The following DYNC2I1 variants were observed in gnomAD, a reference collection of about 807,000 sequenced individuals.
DYNC2I1 encodes dynein 2 intermediate chain 1.
Under a neutral mutation model 133.4 loss-of-function variants are expected in DYNC2I1, and 89 were observed. The ratio of observed to expected loss-of-function variants is 0.67; its 90% CI spans 0.56 to 0.80. The LOEUF (loss-of-function observed/expected upper bound fraction) is 0.80. Among genes scored for constraint, DYNC2I1 ranks in the 30% least tolerant of loss-of-function variants. The pLI, the probability that DYNC2I1 is intolerant of heterozygous loss-of-function variation, is 0.00. For synonymous variants in DYNC2I1, 504 were observed against 484.3 expected, an observed-to-expected ratio of 1.04 and a Z score of -0.54; for missense variants, 1,291 against 1,314.5, an observed-to-expected ratio of 0.98 and a Z score of 0.28.
At position 158,902,474 on chromosome 7, in the gene DYNC2I1, A is replaced by G; in HGVS notation, c.1236A>G (p.Gln412=). The G allele has an allele frequency of 6.2e-7, 1 of 1,614,012 alleles. No individual in the cohort carries two copies. The highest frequency in any genetic ancestry group is 8.5e-7 in the Non-Finnish European group (1 of 1,179,878). The change falls in exon 10 of 25, where the codon CAA becomes CAG. Residue 412 remains glutamine (Q), a synonymous_variant. Transcript: ENST00000407559. ...REKLEELPLA[Q]KKEIQEIQRA... ...AACTGGAAGAACTTCCTCTAGCTCA[A>G]AAAAAGGAAATACAAGAAATTCAAA...
chr7:158,849,970 C>T, the DYNC2I1 span, among the ~76,000 whole-genome samples: 1 of 152,222 alleles, frequency 6.6e-6, no homozygotes, highest in Non-Finnish European at 1.5e-5. Context: ...TGGGGCCTTA[C>T]TGGGGGCCTG....
At chr7:158,904,320 G>C (rs975910680) in intron 10 of DYNC2I1, 13 of 152,304 alleles carry the variant, frequency 8.5e-5, no homozygotes, top group African/African-American at 3.1e-4. Flanking sequence ...TTTGTTTTCT[G>C]TGTCCTCCTT....
intron 17 of DYNC2I1, 30 bp from the exon 18 acceptor site, chr7:158,926,157 A>C: frequency 8.4e-6 from 13 of 1,543,842 alleles, no homozygotes; most frequent in Non-Finnish European, 1.2e-5. Context: ...TACTACTTAC[A>C]CGTGGATGCT....
At position 158,871,356 on chromosome 7, in the gene DYNC2I1, A is replaced by C; in HGVS notation, c.284A>C (p.Asp95Ala). ...DRDRQRERRR[D>A]AKDREKEKLK... is the part of the protein sequence containing the mutation. The stretch of plus-strand genomic sequence containing the variant: ...GACAGACAGAGGGAGAGGAGAAGAG[A>C]CGCAAAAGACCGGGAGAAAGAAAAG... The change falls in exon 3 of 25, where the codon GAC (aspartate) becomes GCC (alanine). Residue 95 changes from aspartate to alanine, a missense_variant. By Grantham distance (126) the Asp-to-Ala change is moderately radical. Transcript: ENST00000407559. The C allele has an allele frequency of 1.9e-6, 3 of 1,552,522 alleles. No individual in the cohort carries two copies. The highest frequency in any genetic ancestry group is 2.6e-6 in the Non-Finnish European group (3 of 1,147,422).
intron 5 of DYNC2I1, 129 bp downstream of exon 5, chr7:158,880,118 G>A (rs1208638468): frequency 2.9e-6 from 3 of 1,021,774 alleles, no homozygotes; most frequent in Non-Finnish European, 4.3e-6. Context: ...TAGGAAAAAC[G>A]CAACTCAAGT....
intron 21 of DYNC2I1, among the ~76,000 whole-genome samples, chr7:158,932,255 T>C: frequency 6.6e-6 from 1 of 152,024 alleles, no homozygotes; most frequent in East Asian, 1.9e-4. Context: ...TGCACAAGGC[T>C]TGTGGGAGCT....
At chr7:158,881,278 G>A (rs1404497107) in intron 5 of DYNC2I1, among the ~76,000 whole-genome samples, 1 of 152,124 alleles carries the variant, frequency 6.6e-6, no homozygotes. Context: ...GTTTGCATCA[G>A]GGCGTTGGCC....
intron 23 of DYNC2I1, among the ~76,000 whole-genome samples, chr7:158,938,895 T>A (rs1480502629): frequency 6.6e-6 from 1 of 152,204 alleles, no homozygotes; most frequent in African/African-American, 2.4e-5. Context: ...CCCAGAATAC[T>A]GTGTTACTGT....
At chr7:158,911,427 A>G (rs1847464598) in intron 11 of DYNC2I1, 123 bp from the exon 12 acceptor site, 1 of 1,080,568 alleles carries the variant, frequency 9.3e-7, no homozygotes, top group African/African-American at 1.6e-5. Context: ...GACTCACCCC[A>G]GCCTGAAGCT....
intron 3 of DYNC2I1, among the ~76,000 whole-genome samples, chr7:158,872,173 G>A (rs1842948217): frequency 6.6e-6 from 1 of 152,022 alleles, no homozygotes; most frequent in African/African-American, 2.4e-5. Context: ...AAAATTAGCT[G>A]TGTGTGGTGG....
chr7:158,925,423 T>A (rs1849514163), intron 17 of DYNC2I1, among the ~76,000 whole-genome samples: 1 of 152,208 alleles, frequency 6.6e-6, no homozygotes, highest in Non-Finnish European at 1.5e-5. Context: ...GAGATGTGAT[T>A]CCATTTGGAA....
intron 7 of DYNC2I1, among the ~76,000 whole-genome samples, chr7:158,888,696 C>A (rs547358207): frequency 6.6e-6 from 1 of 151,528 alleles, no homozygotes; most frequent in Non-Finnish European, 1.5e-5. Flanking sequence ...TCTTGAACTC[C>A]TGACCTTAGG....
chr7:158,846,276 T>G, the DYNC2I1 span, among the ~76,000 whole-genome samples: 1 of 151,816 alleles, frequency 6.6e-6, no homozygotes, highest in Admixed American at 6.6e-5. Flanking sequence ...AATAAATAAA[T>G]AAAATAAAAC....
chr7:158,923,767 C>T, intron 17 of DYNC2I1, 34 bp downstream of exon 17: 1 of 1,583,204 alleles, frequency 6.3e-7, no homozygotes, highest in Non-Finnish European at 8.6e-7. Context: ...TGTGTGTCTG[C>T]TAGAAAAGCC....
chr7:158,937,782 GTGGAGGCAAA>G (rs1367930909), intron 23 of DYNC2I1, among the ~76,000 whole-genome samples: 2 of 151,806 alleles, frequency 1.3e-5, no homozygotes, highest in African/African-American at 4.8e-5. Flanking sequence ...ATGGTGGCAT[GTGGAGGCAAA>G]TGGAGGCTGA....
At chr7:158,849,184 G>A in the DYNC2I1 span, among the ~76,000 whole-genome samples, 6 of 152,188 alleles carry the variant, frequency 3.9e-5, no homozygotes, top group African/African-American at 1.4e-4. Context: ...GGGTAGAGAA[G>A]AAAAGTTCCT....
chr7:158,906,589 G>T (rs1222576403), intron 11 of DYNC2I1, among the ~76,000 whole-genome samples: 3 of 152,080 alleles, frequency 2.0e-5, no homozygotes, highest in African/African-American at 7.2e-5. Flanking sequence ...CTCTTGAGTA[G>T]CTGGGATTAC....
At chr7:158,857,046 C>T (rs1264149649) in intron 1 of DYNC2I1, among the ~76,000 whole-genome samples, 1 of 152,072 alleles carries the variant, frequency 6.6e-6, no homozygotes, top group Non-Finnish European at 1.5e-5. Flanking sequence ...CTGGAGGCGG[C>T]CTCGGCCCCT....
In DYNC2I1 at chr7:158,955,805, G is replaced by A. The variant is rs73514571; in HGVS notation, c.*57-778G>A. On this transcript the variant is annotated intron_variant and NMD_transcript_variant, in intron 4 of 4. Coordinates refer to the DYNC2I1 transcript ENST00000454771. Reference sequence around the variant, plus strand: ...GCTTGTGACCTCCAAAATGGGCAGTGATCACAGAATAAACACAGCCCTGTG... The same window carrying A: ...GCTTGTGACCTCCAAAATGGGCAGTAATCACAGAATAAACACAGCCCTGTG... Among the ~76,000 whole-genome samples the A allele has an allele frequency of 8.8e-3, 1,335 of 152,336 alleles. 14 individuals are homozygous for A. The highest frequency in any genetic ancestry group is 0.029 in the African/African-American group (1,224 of 41,582).
Sources: allele counts gnomAD v4.1 joint callset (sites outside exome capture counted in the v4.1 genomes callset), GRCh38; gene constraint gnomAD v4.1.1; transcripts MANE v1.5; gene names NCBI Gene and HGNC (gene_info 2026-07-23, HGNC 2026-07-21).